PAM: variants seen among roughly 807,000 people sequenced by gnomAD.
PAM encodes peptidylglycine alpha-amidating monooxygenase, also known as peptidyl-glycine alpha-amidating monooxygenase.
PAM carries 72 observed loss-of-function variants against 122.1 expected under a neutral mutation model. The observed-to-expected ratio is 0.59, with a 90% confidence interval of 0.49 to 0.72. PAM has a LOEUF of 0.72. Ranked by LOEUF, PAM falls within the 30% of genes least tolerant of loss-of-function variation. The pLI is 0.00. For missense variants in PAM, 1,106 were observed against 1,183.7 expected (o/e 0.93, Z 0.96); for synonymous variants, 389 against 404.4 (o/e 0.96, Z 0.46).
At chr5:102,982,234 C>T (rs1470799344) in intron 15 of PAM, among the ~76,000 whole-genome samples, 1 of 152,190 alleles carries the variant, frequency 6.6e-6, no homozygotes, top group Non-Finnish European at 1.5e-5. Flanking sequence ...CCTGCATGAG[C>T]CACAGGGGGG....
At chr5:102,849,626 G>A (rs948123284) in intron 1 of PAM, among the ~76,000 whole-genome samples, 3 of 151,822 alleles carry the variant, frequency 2.0e-5, no homozygotes, top group South Asian at 2.1e-4. Context: ...ACACTACTTG[G>A]TTCAGTGGAG....
chr5:102,926,282 A>C (rs187562521), intron 6 of PAM, among the ~76,000 whole-genome samples: 8 of 152,212 alleles, frequency 5.3e-5, no homozygotes, highest in African/African-American at 1.9e-4. Context: ...TTAAATAATC[A>C]ATAGAGACAG....
At chr5:102,824,083 G>T (rs32684) in intron 1 of PAM, among the ~76,000 whole-genome samples, 1 of 151,954 alleles carries the variant, frequency 6.6e-6, no homozygotes, top group Non-Finnish European at 1.5e-5. Context: ...CAAAACTAGC[G>T]GATGGTTTAG....
intron 1 of PAM, among the ~76,000 whole-genome samples, chr5:102,764,005 G>A (rs1470007868): frequency 3.3e-5 from 5 of 152,182 alleles, no homozygotes; most frequent in Admixed American, 3.3e-4. Flanking sequence ...TGACATGACA[G>A]TGTGTACCAG....
chr5:102,981,702 ATCTGCATTG>A (rs1769942202), intron 15 of PAM, among the ~76,000 whole-genome samples: 1 of 152,198 alleles, frequency 6.6e-6, no homozygotes, highest in African/African-American at 2.4e-5. Flanking sequence ...GCAATTAAAT[ATCTGCATTG>A]TCGTGAGCTT....
downstream of PAM, chr5:103,030,309 G>A (rs1368884297): frequency 1.3e-5 from 2 of 152,220 alleles, no homozygotes; most frequent in African/African-American, 4.8e-5. Flanking sequence ...ATCTTTTACA[G>A]TGATTGCAGA....
At chr5:102,901,750 T>A (rs1248929988) in intron 4 of PAM, among the ~76,000 whole-genome samples, 2 of 151,548 alleles carry the variant, frequency 1.3e-5, no homozygotes, top group Non-Finnish European at 3.0e-5. Context: ...TTTATTTACC[T>A]GCTGGTTCAT....
chr5:103,004,287 C>T (rs1235429962), intron 17 of PAM, among the ~76,000 whole-genome samples: 1 of 152,182 alleles, frequency 6.6e-6, no homozygotes, highest in African/African-American at 2.4e-5. Context: ...AAGGGGAAGG[C>T]AGAAAAACTA....
chr5:102,962,765 G>A (rs1582235341), intron 14 of PAM, among the ~76,000 whole-genome samples: 2 of 151,466 alleles, frequency 1.3e-5, no homozygotes, highest in Admixed American at 6.6e-5. Context: ...TGTTATATAC[G>A]CCTACAAACC....
At chr5:102,755,870 A>G (rs1269028565) in intron 1 of PAM, among the ~76,000 whole-genome samples, 2 of 151,680 alleles carry the variant, frequency 1.3e-5, no homozygotes, top group Non-Finnish European at 2.9e-5. Context: ...AGCAGTGGAA[A>G]TTCCTTCCCC....
In PAM at chr5:102,793,475, G is replaced by A. The variant is rs116312870; in HGVS notation, c.-374+38127G>A. On this transcript the variant is annotated intron_variant, in intron 1 of 25. Coordinates refer to ENST00000438793, the MANE Select transcript of PAM (RefSeq NM_001177306.2). ...GAGCCTGGGAGGTGGAGGCTGCAGTGAGCCTGATCGCACCACTGCTCTCCA... is the reference window on the plus strand; with the variant it reads ...GAGCCTGGGAGGTGGAGGCTGCAGTAAGCCTGATCGCACCACTGCTCTCCA... Among the ~76,000 whole-genome samples the A allele has an allele frequency of 5.5e-3, 836 of 152,292 alleles. 11 individuals are homozygous for A. The highest frequency in any genetic ancestry group is 0.019 in the African/African-American group (786 of 41,574).
At chr5:102,766,657 C>T (rs976368702) in intron 1 of PAM, among the ~76,000 whole-genome samples, 6 of 152,120 alleles carry the variant, frequency 3.9e-5, no homozygotes, top group Non-Finnish European at 8.8e-5. Flanking sequence ...AAATGAAATA[C>T]TTGATAAAAG....
At chr5:102,853,393 A>G (rs1781797496) in intron 1 of PAM, among the ~76,000 whole-genome samples, 1 of 152,062 alleles carries the variant, frequency 6.6e-6, no homozygotes, top group African/African-American at 2.4e-5. Flanking sequence ...TTTTTCCCTG[A>G]CTCTTCAAAG....
intron 21 of PAM, among the ~76,000 whole-genome samples, chr5:103,015,656 CAG>C (rs1235642098): frequency 6.6e-6 from 1 of 152,116 alleles, no homozygotes; most frequent in African/African-American, 2.4e-5. Context: ...AGCAAGAAGA[CAG>C]AGTCCCATCT....
chr5:103,002,484 C>T (rs1777702859), intron 16 of PAM, among the ~76,000 whole-genome samples: 2 of 151,988 alleles, frequency 1.3e-5, no homozygotes, highest in South Asian at 4.2e-4. Flanking sequence ...GGTTTTGTAA[C>T]TTTTAAATAC....
At chr5:102,778,301 G>T (rs1757721507) in intron 1 of PAM, among the ~76,000 whole-genome samples, 1 of 152,032 alleles carries the variant, frequency 6.6e-6, no homozygotes, top group Non-Finnish European at 1.5e-5. Context: ...CCCATAAGAT[G>T]GTAACATTGT....
rs1281999681 is a variant in PAM, at chr5:103,028,167, G to A, written c.2690-18G>A. The A allele has an allele frequency of 1.2e-6, 2 of 1,606,896 alleles. No homozygotes were observed. Among genetic ancestry groups the A allele is most frequent in the East Asian group, 2.2e-5 (1 of 44,802 alleles). On this transcript the variant is annotated intron_variant, in intron 24 of 25. Transcript: ENST00000438793. Reference sequence around the variant, plus strand: ...ATGACTGGGACTCATTTTGAAATGTGCCATCTTTTTTTAGCAGATTCTGAA... The same window carrying A: ...ATGACTGGGACTCATTTTGAAATGTACCATCTTTTTTTAGCAGATTCTGAA...
chr5:102,838,089 C>CT (rs1313004603), intron 1 of PAM: 3 of 152,034 alleles, frequency 2.0e-5, no homozygotes, highest in Admixed American at 2.0e-4. Context: ...ATAGTTCATT[C>CT]TTTTAGTTTC....
chr5:103,004,012 C>T (rs2151019551), intron 17 of PAM, among the ~76,000 whole-genome samples: 1 of 152,052 alleles, frequency 6.6e-6, no homozygotes, highest in East Asian at 1.9e-4. Context: ...GAGGGAGGCA[C>T]TTGCTTACAG....
Sources: gnomAD v4.1 joint callset for allele counts (sites outside exome capture counted in the v4.1 genomes callset) on GRCh38, gnomAD v4.1.1 for gene constraint, MANE v1.5 for transcripts, NCBI Gene and HGNC (gene_info 2026-07-23, HGNC 2026-07-21) for gene names.